Variants in DLGAP2 observed in about 807,000 individuals in gnomAD.
DLGAP2 encodes the protein disks large-associated protein 2.
A neutral mutation model predicts 100.3 loss-of-function variants in DLGAP2; 26 were observed. The ratio of observed to expected loss-of-function variants is 0.26; its 90% CI spans 0.19 to 0.36. The LOEUF (loss-of-function observed/expected upper bound fraction) is 0.36, where lower values mean the gene tolerates loss of function less well. Ranked by LOEUF, DLGAP2 falls within the 10% of genes least tolerant of loss-of-function variation. DLGAP2 has a pLI of 1.00. For missense variants in DLGAP2, 1,858 were observed against 1,453.2 expected (o/e 1.28, Z -4.53); for synonymous variants, 886 against 630.1 (o/e 1.41, Z -6.08).
chr8:1,184,872 A>G, intron 2 of DLGAP2, among the ~76,000 whole-genome samples: 1 of 152,156 alleles, frequency 6.6e-6, no homozygotes, highest in Non-Finnish European at 1.5e-5. Flanking sequence ...AAGGATCTCC[A>G]GGTTGGAGGG....
intron 2 of DLGAP2, among the ~76,000 whole-genome samples, chr8:1,076,841 G>A (rs973369051): frequency 1.3e-4 from 19 of 150,386 alleles, no homozygotes; most frequent in Non-Finnish European, 2.1e-4. Flanking sequence ...AGACCAAGAG[G>A]GGGAGGAGGA....
intron 6 of DLGAP2, among the ~76,000 whole-genome samples, chr8:1,575,599 C>T (rs938428186): frequency 3.6e-5 from 5 of 139,772 alleles, no homozygotes; most frequent in African/African-American, 1.1e-4. Flanking sequence ...GATATATCTC[C>T]TAATGCTTTC....
chr8:1,236,304 T>C (rs1798653479), intron 2 of DLGAP2, among the ~76,000 whole-genome samples: 1 of 58,970 alleles, frequency 1.7e-5, no homozygotes, highest in Non-Finnish European at 3.6e-5. Flanking sequence ...TGTCTAGTTC[T>C]CTCACATGGC....
Position 1,707,220 on chromosome 8 carries a change from G to A in DLGAP2, c.*5814G>A, listed in dbSNP as rs1563075242. On this transcript the variant is annotated 3_prime_UTR_variant, in exon 15 of 15. Coordinates refer to ENST00000637795, the MANE Select transcript of DLGAP2 (RefSeq NM_001346810.2). ...GCATCCAAGCTTTCACCTACTCAAT[G>A]GAGGAGAGGTGATAATGAATGAAAA... 2 of 152,592 alleles carry A rather than the reference G, an allele frequency of 1.3e-5. No homozygotes were observed. The highest frequency in any genetic ancestry group is 4.8e-5 in the African/African-American group (2 of 41,434). 9.5% of individuals were successfully genotyped at this position (152,592 alleles called of 1,614,324 possible).
chr8:858,552 CACATGTGTGATGCTGTCACCGTGGGG>C (rs1797326712), intron 1 of DLGAP2, among the ~76,000 whole-genome samples: 4 of 138,778 alleles, frequency 2.9e-5, no homozygotes, highest in Admixed American at 2.1e-4. Flanking sequence ...TCACCGTGGG[CACATGTGTGATGCTGTCACCGTGGGG>C]ACATGTGTGA....
chr8:1,408,003 A>G (rs34659395), intron 3 of DLGAP2, among the ~76,000 whole-genome samples: 37,674 of 151,674 alleles, frequency 0.25, 4,797 homozygotes, highest in East Asian at 0.34. Flanking sequence ...GTTTAACAGC[A>G]TCGCTGGACT....
At chr8:1,071,167 G>A (rs1803418165) in intron 2 of DLGAP2, among the ~76,000 whole-genome samples, 1 of 152,202 alleles carries the variant, frequency 6.6e-6, no homozygotes, top group Non-Finnish European at 1.5e-5. Flanking sequence ...AAGCTGGGGA[G>A]GAGAGGATGG....
At chr8:1,563,254 T>C (rs1802247675) in intron 5 of DLGAP2, among the ~76,000 whole-genome samples, 1 of 41,482 alleles carries the variant, frequency 2.4e-5, no homozygotes, top group East Asian at 8.2e-4. Context: ...ACTGGGGGAC[T>C]GTGTGGTGTT....
At chr8:942,448 T>G (rs1799218503) in intron 2 of DLGAP2, among the ~76,000 whole-genome samples, 1 of 152,218 alleles carries the variant, frequency 6.6e-6, no homozygotes, top group South Asian at 2.1e-4. Flanking sequence ...TGGGATGTAC[T>G]TTTCCCACTC....
At chr8:1,045,334 T>C (rs934234524) in intron 2 of DLGAP2, among the ~76,000 whole-genome samples, 5 of 152,204 alleles carry the variant, frequency 3.3e-5, no homozygotes, top group Admixed American at 6.5e-5. Flanking sequence ...CAGCGTATAC[T>C]CAACACCCCT....
chr8:1,266,549 T>C (rs1345314451), intron 3 of DLGAP2, among the ~76,000 whole-genome samples: 1 of 152,232 alleles, frequency 6.6e-6, no homozygotes, highest in Non-Finnish European at 1.5e-5. Flanking sequence ...GTTCCTCCTC[T>C]GTTGGATAAA....
intron 1 of DLGAP2, among the ~76,000 whole-genome samples, chr8:738,346 G>T (rs1820376805): frequency 2.0e-5 from 3 of 151,828 alleles, no homozygotes; most frequent in Admixed American, 6.5e-5. Flanking sequence ...GCTCGCGGGG[G>T]CGGGGGCGAC....
At chr8:1,664,513 G>C (rs1798495146) in intron 8 of DLGAP2, among the ~76,000 whole-genome samples, 1 of 152,142 alleles carries the variant, frequency 6.6e-6, no homozygotes, top group African/African-American at 2.4e-5. Flanking sequence ...CTAGATAAAT[G>C]CTTCCTGAAA....
intron 1 of DLGAP2, chr8:738,933 C>T: frequency 6.5e-6 from 1 of 153,246 alleles, no homozygotes; most frequent in Admixed American, 6.5e-5. Flanking sequence ...GCGTCGGAAA[C>T]TCGCGGCCCC....
chr8:986,632 G>T (rs984531776), intron 2 of DLGAP2, among the ~76,000 whole-genome samples: 1 of 151,514 alleles, frequency 6.6e-6, no homozygotes, highest in African/African-American at 2.4e-5. Flanking sequence ...TATTTACTGG[G>T]CACCCACTGC....
At chr8:823,453 G>T (rs1405111875) in intron 1 of DLGAP2, among the ~76,000 whole-genome samples, 2 of 152,120 alleles carry the variant, frequency 1.3e-5, no homozygotes, top group Admixed American at 6.5e-5. Flanking sequence ...CTGTGAATTA[G>T]TTAGGGTGCT....
chr8:1,245,906 A>G lies in DLGAP2; in HGVS notation c.74-12945A>G, dbSNP rs544569522. Among the ~76,000 whole-genome samples, 111 of 152,310 alleles carry G rather than the reference A, an allele frequency of 7.3e-4. 1 individual carries two copies. The highest frequency in any genetic ancestry group is 2.0e-3 in the African/African-American group (85 of 41,584). ...AGCACGAAGGGTGGGTGGTCCCAGT[A>G]TGACCGCCGTGGGGAGGACAGAGGC... On this transcript the variant is annotated intron_variant, in intron 2 of 14. Coordinates refer to ENST00000637795, the MANE Select transcript of DLGAP2 (RefSeq NM_001346810.2).
At chr8:939,952 A>T (rs1799155732) in intron 2 of DLGAP2, among the ~76,000 whole-genome samples, 1 of 151,984 alleles carries the variant, frequency 6.6e-6, no homozygotes, top group African/African-American at 2.4e-5. Flanking sequence ...GAACACGTAC[A>T]GGCTCCTGAG....
intron 5 of DLGAP2, among the ~76,000 whole-genome samples, chr8:1,554,880 A>T (rs2906573): frequency 0.52 from 78,280 of 151,924 alleles, 21,606 homozygotes; most frequent in African/African-American, 0.72. Flanking sequence ...AGTTCTAACA[A>T]GCTTCTCAGA....
Sources: gnomAD v4.1 joint callset for allele counts (sites outside exome capture counted in the v4.1 genomes callset) on GRCh38, gnomAD v4.1.1 for gene constraint, MANE v1.5 for transcripts, NCBI Gene and HGNC (gene_info 2026-07-23, HGNC 2026-07-21) for gene names.